Variants in ZNF827 observed in about 807,000 individuals in gnomAD.
ZNF827 encodes the protein zinc finger protein 827.
A neutral mutation model predicts 102.4 loss-of-function variants in ZNF827; 13 were observed. That is an observed-to-expected ratio of 0.13 (90% CI 0.08 to 0.20). The LOEUF (loss-of-function observed/expected upper bound fraction) is 0.20. Among genes scored for constraint, ZNF827 ranks in the 10% least tolerant of loss-of-function variants. ZNF827 has a pLI of 1.00. For missense variants in ZNF827, 1,103 were observed against 1,344.4 expected, an observed-to-expected ratio of 0.82 and a Z score of 2.81; for synonymous variants, 523 against 536.2, an observed-to-expected ratio of 0.98 and a Z score of 0.34.
intron 8 of ZNF827, among the ~76,000 whole-genome samples, chr4:145,788,898 A>G (rs2127040442): frequency 6.6e-6 from 1 of 152,320 alleles, no homozygotes. Flanking sequence ...ACTGATGTTT[A>G]TTTACTCAAT....
intron 1 of ZNF827, among the ~76,000 whole-genome samples, chr4:145,924,954 CGA>C (rs1753323074): frequency 6.6e-6 from 1 of 152,100 alleles, no homozygotes; most frequent in South Asian, 2.1e-4. Flanking sequence ...AAGACATACC[CGA>C]GACTGGGTAA....
intron 9 of ZNF827, among the ~76,000 whole-genome samples, chr4:145,776,634 T>C (rs1737154545): frequency 2.0e-5 from 3 of 151,994 alleles, no homozygotes; most frequent in Non-Finnish European, 2.9e-5. Context: ...GTGTACCCCA[T>C]GTGTCAGTCA....
chr4:145,901,125 T>A (rs1208196613), intron 2 of ZNF827, among the ~76,000 whole-genome samples: 1 of 152,198 alleles, frequency 6.6e-6, no homozygotes, highest in Non-Finnish European at 1.5e-5. Context: ...ACTGTGATCG[T>A]TCCGTCAATT....
rs10715391 is a variant in ZNF827 at position 145,760,720 on chromosome 4, G to GTT, written c.*894_*895dup. 3.8e-4 allele frequency: 265 copies of GTT among 705,992 alleles called. No homozygotes were observed. The highest frequency in any genetic ancestry group is 2.2e-3 in the African/African-American group (96 of 43,168). The allele number at this position is 705,992 out of a possible 1,614,324, so 43.7% of individuals were successfully genotyped here. On this transcript the variant is annotated 3_prime_UTR_variant, in exon 15 of 15. Coordinates refer to ENST00000508784, the MANE Select transcript of ZNF827 (RefSeq NM_001306215.2). ...GCTGGGGTTGTGTTTAAGTTTTGTGGTTTTTTTTTTTTTTTTTGTCTTTTG... is the reference window on the plus strand; with the variant it reads ...GCTGGGGTTGTGTTTAAGTTTTGTGGTTTTTTTTTTTTTTTTTTTGTCTTTTG...
rs200461563 is a variant in ZNF827 at position 145,885,610 on chromosome 4, C to CAGAGAGAGAGAGAGAGAG, written c.1747+50_1747+67dup. The CAGAGAGAGAGAGAGAGAG allele has an allele frequency of 2.7e-6, 3 of 1,103,048 alleles. No individual in the cohort carries two copies. In the African/African-American group the frequency reaches 5.4e-5, roughly 20 times the overall value. The allele number at this position is 1,103,048 out of a possible 1,614,324, so 68.3% of individuals were successfully genotyped here. A position where few individuals can be genotyped will look rare whatever the true frequency, so the allele number is the denominator to read the frequency against. Reference sequence around the variant, plus strand: ...AAATAAGAATACTGGTAGACAGAGACAGAGAGAGAGAGAGAGAGAGAGAGA... The same window carrying CAGAGAGAGAGAGAGAGAG: ...AAATAAGAATACTGGTAGACAGAGACAGAGAGAGAGAGAGAGAGAGAGAGAGAGAGAGAGAGAGAGAGA... On this transcript the variant is annotated intron_variant, in intron 4 of 14. Transcript: ENST00000508784.
chr4:145,777,818 G>C (rs536775079), intron 9 of ZNF827, among the ~76,000 whole-genome samples: 1 of 152,064 alleles, frequency 6.6e-6, no homozygotes, highest in South Asian at 2.1e-4. Flanking sequence ...CCTCTGACTA[G>C]AGCTCTTGCT....
chr4:145,876,537 A>G (rs1010321974), intron 4 of ZNF827: 14 of 152,236 alleles, frequency 9.2e-5, no homozygotes, highest in Non-Finnish European at 2.1e-4. Flanking sequence ...TTTATTGAGC[A>G]CATAACATGA....
Position 145,774,638 on chromosome 4 carries a change from C to T in ZNF827, c.2728G>A (p.Val910Ile). The T allele has an allele frequency of 6.2e-7, 1 of 1,613,852 alleles. No homozygotes were observed. ...HVCGFETELN[V>I]QFVSHMSLHV... ...AGTGACATGTGGCTGACAAACTGGA[C>T]ATTGAGCTCGGTCTCAAATCCACAC... Residue 910 changes from valine (V) to isoleucine (I), a missense_variant, in exon 11 of 15, where the codon GTC becomes ATC. Val to Ile is a conservative substitution (Grantham distance 29). Coordinates refer to ENST00000508784, the MANE Select transcript of ZNF827 (RefSeq NM_001306215.2).
At chr4:145,871,947 G>A (rs4552481) in intron 4 of ZNF827, among the ~76,000 whole-genome samples, 27,611 of 151,972 alleles carry the variant, frequency 0.18, 2,951 homozygotes, top group East Asian at 0.42. Context: ...TGCCTCCACC[G>A]CACCACCTCC....
At chr4:145,933,014 T>C (rs916751806) in intron 1 of ZNF827, among the ~76,000 whole-genome samples, 1 of 152,202 alleles carries the variant, frequency 6.6e-6, no homozygotes, top group African/African-American at 2.4e-5. Context: ...TCCAGCATGA[T>C]TTATTAACAC....
chr4:145,880,081 A>C (rs57707483), intron 4 of ZNF827, among the ~76,000 whole-genome samples: 2,651 of 152,266 alleles, frequency 0.017, 78 homozygotes, highest in African/African-American at 0.06. Flanking sequence ...CCAAAAATAT[A>C]AAAATTAGCT....
At position 145,902,975 on chromosome 4, in the gene ZNF827, A is replaced by G. The variant is rs1460562537; in HGVS notation, c.284T>C (p.Leu95Pro). ...CGGGGAAAGGTGATCTTGACACTGC[A>G]GTGAGTCTCGCAGGACCTCACTGTC... ...ALDSEVLRDSLQCQDHLSPGV... is the reference protein window; with the variant it reads ...ALDSEVLRDSPQCQDHLSPGV... Residue 95 changes from leucine (L) to proline (P), a missense_variant, in exon 2 of 15, where the codon CTG becomes CCG. Around this residue, in one of 5 missense-constraint regions of ZNF827, gnomAD observed 441 missense variants for 458.6 expected, o/e 0.96. Coordinates refer to ENST00000508784, the MANE Select transcript of ZNF827 (RefSeq NM_001306215.2). The surrounding 1 kb of genome is among the most constrained non-coding windows in gnomAD (Gnocchi z 4.3). 1 of 1,614,040 alleles carries G rather than the reference A, an allele frequency of 6.2e-7. No homozygotes were observed. Among genetic ancestry groups the G allele is most frequent in the Non-Finnish European group, 8.5e-7 (1 of 1,180,028 alleles).
intron 5 of ZNF827, 31 bp from the exon 6 acceptor site, chr4:145,849,592 A>C (rs1746325404): frequency 5.0e-6 from 8 of 1,610,578 alleles, no homozygotes; most frequent in Middle Eastern, 3.5e-4. Context: ...AGAAACAAAA[A>C]CACCACCATT....
chr4:145,819,445 A>G (rs1448280511), intron 8 of ZNF827, among the ~76,000 whole-genome samples: 1 of 152,224 alleles, frequency 6.6e-6, no homozygotes, highest in Admixed American at 6.5e-5. Flanking sequence ...GATGGGAAAC[A>G]GGGACAGCTG....
At chr4:145,815,720 T>C (rs1331571773) in intron 8 of ZNF827, among the ~76,000 whole-genome samples, 2 of 152,230 alleles carry the variant, frequency 1.3e-5, no homozygotes, top group Admixed American at 6.5e-5. Flanking sequence ...GCCTTGTAGA[T>C]TGAATTAGCC....
intron 3 of ZNF827, among the ~76,000 whole-genome samples, chr4:145,890,992 A>C (rs939065092): frequency 2.8e-4 from 42 of 152,238 alleles, no homozygotes; most frequent in African/African-American, 9.9e-4. Flanking sequence ...AATTCTGAAG[A>C]GTGATTACTG....
chr4:145,885,834 C>T lies in ZNF827; in HGVS notation c.1591G>A (p.Gly531Ser), dbSNP rs1372971464. 16 of 1,614,178 alleles carry T rather than the reference C, an allele frequency of 9.9e-6. No homozygotes were observed. The highest frequency in any genetic ancestry group is 2.2e-5 in the East Asian group (1 of 44,868). The change falls in exon 4 of 15, where the codon GGC becomes AGC. Residue 531 changes from glycine (G) to serine (S), a missense_variant. Physicochemically the swap from Gly to Ser is moderately conservative, Grantham distance 56 (BLOSUM62 0). Around this residue, in one of 5 missense-constraint regions of ZNF827, gnomAD observed 157 missense variants for 211.7 expected, o/e 0.74. Transcript: ENST00000508784. The part of the protein sequence containing the change: ...LVKEEPKEDN[G>S]LPTSFTLNAA... ...TTCAAAGTAAAGGAGGTGGGCAGGC[C>T]GTTATCTTCCTTGGGTTCCTCCTTC... is the stretch of plus-strand genomic sequence containing the variant.
At chr4:145,919,947 C>A (rs567352763) in intron 1 of ZNF827, among the ~76,000 whole-genome samples, 24 of 152,330 alleles carry the variant, frequency 1.6e-4, no homozygotes, top group African/African-American at 5.8e-4. Flanking sequence ...GAACCAGACA[C>A]TCCCACTCGA....
intron 7 of ZNF827, among the ~76,000 whole-genome samples, chr4:145,829,477 T>C (rs1436075974): frequency 2.0e-5 from 3 of 152,204 alleles, no homozygotes; most frequent in East Asian, 1.9e-4. Context: ...CAGCCATATA[T>C]TATGTGACCT....
Sources: allele counts gnomAD v4.1 joint callset (sites outside exome capture counted in the v4.1 genomes callset), GRCh38; gene constraint gnomAD v4.1.1; regional missense constraint gnomAD v4.1.1; non-coding constraint Gnocchi (gnomAD v3.1); transcripts MANE v1.5; gene names NCBI Gene and HGNC (gene_info 2026-07-23, HGNC 2026-07-21).